The following PRKAR2A variants were observed in gnomAD, a reference collection of about 807,000 sequenced individuals.
PRKAR2A encodes cAMP-dependent protein kinase type II-alpha regulatory subunit.
A neutral mutation model predicts 51.9 loss-of-function variants in PRKAR2A; 29 were observed. The observed-to-expected ratio is 0.56, with a 90% CI of 0.42 to 0.76. The LOEUF (loss-of-function observed/expected upper bound fraction) is 0.76. Among genes scored for constraint, PRKAR2A ranks in the 30% least tolerant of loss-of-function variants. PRKAR2A has a pLI of 0.00. For synonymous variants in PRKAR2A, 178 were observed against 186.2 expected (o/e 0.96, Z 0.36); for missense variants, 445 against 512.1 (o/e 0.87, Z 1.26).
intron 8 of PRKAR2A, among the ~76,000 whole-genome samples, chr3:48,760,305 C>T (rs1486149884): frequency 2.6e-5 from 4 of 152,028 alleles, no homozygotes; most frequent in Middle Eastern, 3.4e-3. Flanking sequence ...TGTAGTCAGC[C>T]GAGATTGTGC....
chr3:48,772,168 GT>G (rs1186648360), intron 6 of PRKAR2A, among the ~76,000 whole-genome samples: 1 of 152,122 alleles, frequency 6.6e-6, no homozygotes, highest in Non-Finnish European at 1.5e-5. Flanking sequence ...GTGTGTTTAA[GT>G]TTTTAAGTGA....
At chr3:48,829,871 A>ATATATATATATTT (rs1297832658) in intron 1 of PRKAR2A, among the ~76,000 whole-genome samples, 2 of 87,732 alleles carry the variant, frequency 2.3e-5, no homozygotes, top group African/African-American at 1.1e-4. Context: ...ATATATATAT[A>ATATATATATATTT]TTTTTTTTTT....
At chr3:48,802,529 C>T (rs2082606791) in intron 2 of PRKAR2A, among the ~76,000 whole-genome samples, 1 of 152,070 alleles carries the variant, frequency 6.6e-6, no homozygotes, top group Non-Finnish European at 1.5e-5. Flanking sequence ...CATGGCAAAA[C>T]CTTGTCTCTA....
intron 1 of PRKAR2A, among the ~76,000 whole-genome samples, chr3:48,816,790 TA>T: frequency 6.6e-6 from 1 of 152,286 alleles, no homozygotes; most frequent in East Asian, 1.9e-4. Flanking sequence ...AGAGCAAGTT[TA>T]CCCACCCAAT....
At chr3:48,792,907 C>A (rs577856018) in intron 3 of PRKAR2A, among the ~76,000 whole-genome samples, 3 of 151,624 alleles carry the variant, frequency 2.0e-5, no homozygotes, top group Admixed American at 2.0e-4. Flanking sequence ...CCAGCCCGGG[C>A]GACAGTGCGA....
At chr3:48,807,964 T>C (rs1295717845) in intron 1 of PRKAR2A, among the ~76,000 whole-genome samples, 2 of 152,172 alleles carry the variant, frequency 1.3e-5, no homozygotes, top group Non-Finnish European at 2.9e-5. Context: ...CTAATTTGTA[T>C]CATTCCAATT....
Position 48,783,072 on chromosome 3 carries a change from G to A in PRKAR2A, c.456C>T (p.Leu152=), listed in dbSNP as rs201671205. ...TGACTATCCTTTCAAACATGGCATC[G>A]AGAACTTGAGAAAGCTGTTCCTGCA... The part of the protein sequence containing the change: ...NLDQEQLSQV[L]DAMFERIVKA... Residue 152 remains leucine, a synonymous_variant, in exon 5 of 11, where the codon CTC becomes CTT. Coordinates refer to ENST00000265563, the MANE Select transcript of PRKAR2A (RefSeq NM_004157.4). The A allele has an allele frequency of 7.6e-5, 123 of 1,612,862 alleles. 1 individual carries two copies. The East Asian group carries it at 1.9e-3, about 25-fold the overall frequency.
intron 1 of PRKAR2A, among the ~76,000 whole-genome samples, chr3:48,813,565 G>A (rs1212061532): frequency 6.6e-5 from 10 of 152,108 alleles, no homozygotes; most frequent in African/African-American, 2.2e-4. Context: ...GTGGTGGCAC[G>A]CACCTGTAGT....
chr3:48,776,043 G>T (rs1163426275), intron 5 of PRKAR2A, among the ~76,000 whole-genome samples: 1 of 152,100 alleles, frequency 6.6e-6, no homozygotes, highest in Admixed American at 6.6e-5. Flanking sequence ...GGAGGTGGAG[G>T]TTGCAGTGAG....
chr3:48,835,534 GGGA>G (rs2107452434), intron 1 of PRKAR2A, among the ~76,000 whole-genome samples: 1 of 151,756 alleles, frequency 6.6e-6, no homozygotes, highest in Admixed American at 6.6e-5. Flanking sequence ...CCAGCTACTC[GGGA>G]GGCTGGGGCA....
intron 1 of PRKAR2A, among the ~76,000 whole-genome samples, chr3:48,822,455 T>A (rs2082982751): frequency 6.6e-6 from 1 of 151,980 alleles, no homozygotes; most frequent in Non-Finnish European, 1.5e-5. Context: ...TATGCTTAGA[T>A]TAGAGCAAAG....
chr3:48,807,768 A>C, intron 1 of PRKAR2A, 84 bp from the exon 2 acceptor site: 1 of 1,155,078 alleles, frequency 8.7e-7, no homozygotes, highest in Non-Finnish European at 1.3e-6. Context: ...AGTCTTTTAC[A>C]ATAGACCTAA....
chr3:48,839,116 C>T lies in PRKAR2A; in HGVS notation c.262+8219G>A, dbSNP rs992626031. 2.0e-5 allele frequency among the ~76,000 whole-genome samples: 3 copies of T among 151,842 alleles called. 1 individual carries two copies. Among genetic ancestry groups the T allele is most frequent in the Non-Finnish European group, 4.4e-5 (3 of 67,964 alleles). ...CAGCCTGGCCAACATGATGAAACCC[C>T]ATCTCTACTAAAAACACAAACATTA... On this transcript the variant is annotated intron_variant, in intron 1 of 10. Coordinates refer to ENST00000265563, the MANE Select transcript of PRKAR2A (RefSeq NM_004157.4).
At chr3:48,823,787 A>C (rs78712784) in intron 1 of PRKAR2A, among the ~76,000 whole-genome samples, 1 of 135,808 alleles carries the variant, frequency 7.4e-6, no homozygotes, top group Admixed American at 7.3e-5. Context: ...CCCCGTCTCC[A>C]AAAAAAAAAA....
At chr3:48,827,727 G>T (rs1294550341) in intron 1 of PRKAR2A, among the ~76,000 whole-genome samples, 4 of 152,170 alleles carry the variant, frequency 2.6e-5, no homozygotes, top group Non-Finnish European at 5.9e-5. Flanking sequence ...GTAAGTGAAT[G>T]TGAAGGTCTA....
chr3:48,793,712 G>A (rs976177260), intron 3 of PRKAR2A, among the ~76,000 whole-genome samples: 1 of 150,770 alleles, frequency 6.6e-6, no homozygotes, highest in African/African-American at 2.4e-5. Flanking sequence ...GGCTGGTCTT[G>A]AACTCCTGGC....
chr3:48,757,128 G>A (rs1392934398), intron 8 of PRKAR2A, among the ~76,000 whole-genome samples: 1 of 152,146 alleles, frequency 6.6e-6, no homozygotes, highest in Non-Finnish European at 1.5e-5. Context: ...AACTTAGTAG[G>A]AGCCAGAGGC....
At chr3:48,782,334 T>C (rs1006553777) in intron 5 of PRKAR2A, among the ~76,000 whole-genome samples, 1 of 152,188 alleles carries the variant, frequency 6.6e-6, no homozygotes, top group South Asian at 2.1e-4. Context: ...CAAATGACTA[T>C]AGTACCATGG....
chr3:48,768,114 G>C (rs889540708), intron 6 of PRKAR2A, among the ~76,000 whole-genome samples: 9 of 151,792 alleles, frequency 5.9e-5, no homozygotes, highest in Non-Finnish European at 1.2e-4. Flanking sequence ...GGGCAACATG[G>C]CGAAACCCAT....
Sources: gnomAD v4.1 joint callset for allele counts (sites outside exome capture counted in the v4.1 genomes callset) on GRCh38, gnomAD v4.1.1 for gene constraint, MANE v1.5 for transcripts, NCBI Gene and HGNC (gene_info 2026-07-23, HGNC 2026-07-21) for gene names.